IRAK3: variants seen among roughly 807,000 people sequenced by gnomAD.
The protein encoded by IRAK3 is interleukin-1 receptor-associated kinase 3.
In IRAK3, 57 loss-of-function variants were observed where a neutral mutation model predicts 56.6. That is an observed-to-expected ratio of 1.01 (90% CI 0.81 to 1.26). IRAK3 has a LOEUF of 1.26. IRAK3 is among the 50% of genes most tolerant of loss of function. The pLI is 0.00. For missense variants in IRAK3, 703 were observed against 719.0 expected, an observed-to-expected ratio of 0.98 and a Z score of 0.25; for synonymous variants, 258 against 255.7, an observed-to-expected ratio of 1.01 and a Z score of -0.09.
In IRAK3 at chr12:66,220,697, T is replaced by A. The variant is rs570568081; in HGVS notation, c.653+3462T>A. Among the ~76,000 whole-genome samples the A allele has an allele frequency of 1.9e-4, 29 of 151,662 alleles. No homozygotes were observed. In the South Asian group the frequency reaches 5.6e-3, roughly 29 times the overall value. ...CACTACGCCCGGCTAATTTTTTGTA[T>A]TTTTAGTAGAGACGGGGTTTCACCG... On this transcript the variant is annotated intron_variant, in intron 6 of 11. Coordinates refer to ENST00000261233, the MANE Select transcript of IRAK3 (RefSeq NM_007199.3).
rs550167488 is a variant in IRAK3 at position 66,247,141 on chromosome 12, G to A, written c.1315-554G>A. 7.2e-5 allele frequency among the ~76,000 whole-genome samples: 11 copies of A among 152,144 alleles called. No homozygotes were observed. The South Asian group carries it at 1.7e-3, about 23-fold the overall frequency. ...AAAAATTAGCTGGGCATGGTGGCAC[G>A]TGCCTGTAATACCAGCTACTTGGGA... is the stretch of plus-strand genomic sequence containing the variant. On this transcript the variant is annotated intron_variant, in intron 11 of 11. Transcript: ENST00000261233.
At chr12:66,198,022 G>T in intron 1 of IRAK3, 2 of 985,230 alleles carry the variant, frequency 2.0e-6, no homozygotes, top group Non-Finnish European at 2.4e-6. Flanking sequence ...GCTATAAACT[G>T]TGCCTTTCCT....
At chr12:66,234,424 G>A (rs2052880197) in intron 8 of IRAK3, 1 of 1,611,176 alleles carries the variant, frequency 6.2e-7, no homozygotes, top group Non-Finnish European at 8.5e-7. Flanking sequence ...ATACAATATA[G>A]GGTGTAATAG....
chr12:66,189,500 GC>G, intron 1 of IRAK3, 68 bp downstream of exon 1: 1 of 1,035,672 alleles, frequency 9.7e-7, no homozygotes, highest in Non-Finnish European at 1.2e-6. Flanking sequence ...GCTCGGCGTC[GC>G]CCTGCATGGC....
At chr12:66,198,435 C>T (rs997216840) in intron 1 of IRAK3, among the ~76,000 whole-genome samples, 1 of 152,152 alleles carries the variant, frequency 6.6e-6, no homozygotes, top group Non-Finnish European at 1.5e-5. Context: ...TTGACATACC[C>T]TTTTCTATTC....
intron 8 of IRAK3, 48 bp downstream of exon 8, chr12:66,228,418 C>A (rs753068353): frequency 8.9e-6 from 11 of 1,240,622 alleles, no homozygotes; most frequent in African/African-American, 1.5e-5. Context: ...TTCTTTTATC[C>A]TCACATGTGA....
rs777777428 is a variant in IRAK3 at position 66,226,730 on chromosome 12, C to G, written c.661C>G (p.His221Asp). Residue 221 changes from histidine (H) to aspartate (D), a missense_variant, in exon 7 of 12, where the codon CAC becomes GAC. Transcript: ENST00000261233. ...SELEVLLLFH[H>D]PNILELAAYF... is the part of the protein sequence containing the mutation. ...AACATCTTTTGTTTCAAGGTTTCAT[C>G]ACCCAAACATACTAGAGTTGGCTGC... 1.3e-6 allele frequency: 2 copies of G among 1,587,380 alleles called. No homozygotes were observed.
At chr12:66,235,254 C>T in intron 8 of IRAK3, 1 of 1,582,322 alleles carries the variant, frequency 6.3e-7, no homozygotes, top group Non-Finnish European at 8.6e-7. Context: ...TTGCTGCTGC[C>T]CCCGGGGTTG....
intron 6 of IRAK3, among the ~76,000 whole-genome samples, chr12:66,224,890 A>G (rs2052770011): frequency 6.6e-6 from 1 of 152,206 alleles, no homozygotes; most frequent in Non-Finnish European, 1.5e-5. Flanking sequence ...TTTAGAAGGT[A>G]TCAGATCTGC....
chr12:66,213,718 CCTTA>C (rs745728721), intron 5 of IRAK3, among the ~76,000 whole-genome samples: 3 of 151,350 alleles, frequency 2.0e-5, no homozygotes, highest in Non-Finnish European at 4.4e-5. Flanking sequence ...TGTGGGAACG[CCTTA>C]CTTTCCTCTC....
chr12:66,240,385 C>T (rs1425212817), intron 8 of IRAK3, among the ~76,000 whole-genome samples: 1 of 152,208 alleles, frequency 6.6e-6, no homozygotes, highest in East Asian at 1.9e-4. Flanking sequence ...AATACTGTGT[C>T]TCTCAGACCT....
At chr12:66,242,844 C>A (rs573540512) in intron 8 of IRAK3, among the ~76,000 whole-genome samples, 195 of 152,286 alleles carry the variant, frequency 1.3e-3, no homozygotes, top group African/African-American at 4.6e-3. Flanking sequence ...GAGGCCGAGG[C>A]GGGTGGATCA....
intron 1 of IRAK3, among the ~76,000 whole-genome samples, chr12:66,190,548 G>A (rs1056815977): frequency 1.3e-4 from 20 of 152,198 alleles, no homozygotes; most frequent in Non-Finnish European, 1.8e-4. Flanking sequence ...CTTTGAGAAA[G>A]AAAAGTGTTT....
chr12:66,251,853 A>G lies in IRAK3; in HGVS notation c.*3682A>G, dbSNP rs749855808. 9.9e-5 allele frequency: 15 copies of G among 152,246 alleles called. No individual in the cohort carries two copies. The highest frequency in any genetic ancestry group is 1.8e-4 in the Non-Finnish European group (12 of 68,044). The allele number at this position is 152,246 out of a possible 1,614,324, so 9.4% of individuals were successfully genotyped here. ...AATAAGGAAGACAGGGCATCTACCC[A>G]AGTCAACAGTTCAGTGACATCTGTT... On this transcript the variant is annotated 3_prime_UTR_variant, in exon 12 of 12. Transcript: ENST00000261233.
In IRAK3 at chr12:66,228,281, T is replaced by A; in HGVS notation, c.798T>A (p.Ile266=). ...ACACGGCCCCACTCCCTTGGCACATTCGAATCGGTATATTAATAGGAATAT... is the reference window on the plus strand; with the variant it reads ...ACACGGCCCCACTCCCTTGGCACATACGAATCGGTATATTAATAGGAATAT... ...VGDTAPLPWH[I]RIGILIGISK... The change falls in exon 8 of 12, where the codon ATT becomes ATA. Residue 266 remains isoleucine (I), a synonymous_variant. Coordinates refer to ENST00000261233, the MANE Select transcript of IRAK3 (RefSeq NM_007199.3). 1.2e-6 allele frequency: 2 copies of A among 1,614,124 alleles called. No homozygotes were observed. The highest frequency in any genetic ancestry group is 1.7e-6 in the Non-Finnish European group (2 of 1,179,998).
intron 8 of IRAK3, among the ~76,000 whole-genome samples, chr12:66,243,644 C>T (rs1442431862): frequency 6.6e-6 from 1 of 152,152 alleles, no homozygotes; most frequent in Non-Finnish European, 1.5e-5. Flanking sequence ...ACTTCGTTTT[C>T]CCCCTGCCAG....
intron 1 of IRAK3, among the ~76,000 whole-genome samples, chr12:66,200,488 T>C (rs1194381612): frequency 6.6e-6 from 1 of 152,138 alleles, no homozygotes; most frequent in African/African-American, 2.4e-5. Flanking sequence ...TGGAATCCTC[T>C]ATGATGGGAT....
At chr12:66,208,241 T>C (rs1037744371) in intron 2 of IRAK3, among the ~76,000 whole-genome samples, 1 of 152,082 alleles carries the variant, frequency 6.6e-6, no homozygotes, top group Admixed American at 6.5e-5. Context: ...TGTAGGAAGC[T>C]ACATAAATTA....
intron 5 of IRAK3, among the ~76,000 whole-genome samples, chr12:66,214,852 G>C (rs2052652834): frequency 6.6e-6 from 1 of 152,200 alleles, no homozygotes; most frequent in South Asian, 2.1e-4. Context: ...CCTGGGCAAA[G>C]TCAGTGAGGA....
Sources: gnomAD v4.1 joint callset for allele counts (sites outside exome capture counted in the v4.1 genomes callset) on GRCh38, gnomAD v4.1.1 for gene constraint, MANE v1.5 for transcripts, NCBI Gene and HGNC (gene_info 2026-07-23, HGNC 2026-07-21) for gene names.